The following MDGA2 variants were observed in gnomAD, a reference collection of about 807,000 sequenced individuals.
MDGA2 encodes MAM domain containing glycosylphosphatidylinositol anchor 2, also known as MAM domain-containing glycosylphosphatidylinositol anchor protein 2.
Under a neutral mutation model 117.8 loss-of-function variants are expected in MDGA2, and 40 were observed. The observed-to-expected ratio is 0.34, with a 90% CI of 0.26 to 0.44. MDGA2 has a LOEUF of 0.44. Ranked by LOEUF, MDGA2 falls within the 20% of genes least tolerant of loss-of-function variation. MDGA2 has a pLI of 1.00. For missense variants in MDGA2, 1,123 were observed against 1,250.6 expected, an observed-to-expected ratio of 0.90 and a Z score of 1.54; for synonymous variants, 452 against 439.0, an observed-to-expected ratio of 1.03 and a Z score of -0.37.
chr14:47,200,778 A>C, intron 3 of MDGA2: 1 of 832,230 alleles, frequency 1.2e-6, no homozygotes, highest in East Asian at 2.5e-5. Flanking sequence ...CGCCCCAGTT[A>C]GGCAAACTTT....
At chr14:47,184,288 G>A (rs1371880140) in intron 3 of MDGA2, among the ~76,000 whole-genome samples, 1 of 151,908 alleles carries the variant, frequency 6.6e-6, no homozygotes, top group African/African-American at 2.4e-5. Context: ...TAGTCAAGAT[G>A]TATTTATTCA....
intron 1 of MDGA2, among the ~76,000 whole-genome samples, chr14:47,367,013 T>G (rs1409841829): frequency 6.6e-6 from 1 of 152,042 alleles, no homozygotes; most frequent in Non-Finnish European, 1.5e-5. Flanking sequence ...AATAATGTGT[T>G]CCATAGACTA....
At chr14:47,251,892 GT>G (rs1288127129) in intron 2 of MDGA2, among the ~76,000 whole-genome samples, 3 of 152,032 alleles carry the variant, frequency 2.0e-5, no homozygotes, top group African/African-American at 7.2e-5. Flanking sequence ...AAATAGGGAA[GT>G]TAATAGTATT....
At chr14:47,347,006 G>A (rs548180487) in intron 1 of MDGA2, among the ~76,000 whole-genome samples, 9 of 152,256 alleles carry the variant, frequency 5.9e-5, no homozygotes, top group African/African-American at 1.2e-4. Context: ...CAACTGGGAC[G>A]GGGGAGTGCA....
At chr14:47,234,170 T>A (rs1357800142) in intron 2 of MDGA2, among the ~76,000 whole-genome samples, 1 of 151,562 alleles carries the variant, frequency 6.6e-6, no homozygotes, top group Non-Finnish European at 1.5e-5. Context: ...ATTGTCTTAA[T>A]AATATATGTG....
chr14:46,941,640 T>C (rs1885004259), intron 9 of MDGA2, among the ~76,000 whole-genome samples: 1 of 152,140 alleles, frequency 6.6e-6, no homozygotes, highest in Non-Finnish European at 1.5e-5. Context: ...TACCATTCAA[T>C]TTCTACCGGA....
chr14:47,263,962 T>C (rs914152339), intron 2 of MDGA2, among the ~76,000 whole-genome samples: 1 of 152,128 alleles, frequency 6.6e-6, no homozygotes, highest in Non-Finnish European at 1.5e-5. Flanking sequence ...TTCAAAGTCA[T>C]GTTCCATTTT....
At chr14:47,517,299 G>A (rs555536483) in intron 1 of MDGA2, among the ~76,000 whole-genome samples, 1 of 152,076 alleles carries the variant, frequency 6.6e-6, no homozygotes, top group African/African-American at 2.4e-5. Context: ...CCAGAGCTCC[G>A]AAGGAAAATT....
intron 1 of MDGA2, among the ~76,000 whole-genome samples, chr14:47,399,819 T>A (rs970697454): frequency 6.6e-6 from 1 of 152,068 alleles, no homozygotes; most frequent in African/African-American, 2.4e-5. Context: ...GATATAAAAA[T>A]AACAAGCTCT....
At chr14:47,651,213 G>GGGGT (rs1304100486) in intron 1 of MDGA2, among the ~76,000 whole-genome samples, 2 of 146,520 alleles carry the variant, frequency 1.4e-5, no homozygotes, top group African/African-American at 5.0e-5. Context: ...GTGTGCATGT[G>GGGGT]GTGTGTGTGT....
chr14:47,059,037 T>C, intron 7 of MDGA2: 3 of 1,004,374 alleles, frequency 3.0e-6, no homozygotes, highest in Non-Finnish European at 3.6e-6. Context: ...TAAATTTGTC[T>C]ATCAAATAAC....
intron 1 of MDGA2, among the ~76,000 whole-genome samples, chr14:47,603,533 A>G (rs1896685310): frequency 6.6e-6 from 1 of 152,206 alleles, no homozygotes; most frequent in Non-Finnish European, 1.5e-5. Context: ...AATGCTGATT[A>G]GCAAATACTT....
intron 8 of MDGA2, among the ~76,000 whole-genome samples, chr14:47,001,353 T>C (rs146253631): frequency 4.9e-4 from 75 of 152,102 alleles, no homozygotes; most frequent in Middle Eastern, 3.4e-3. Flanking sequence ...AAATAGGTGT[T>C]CATAAACGAG....
At chr14:47,414,537 G>C (rs1010159780) in intron 1 of MDGA2, among the ~76,000 whole-genome samples, 5 of 152,042 alleles carry the variant, frequency 3.3e-5, no homozygotes, top group Non-Finnish European at 5.9e-5. Context: ...GATAAGAAAA[G>C]GGAAATAGTA....
At chr14:47,390,186 T>G (rs1891862424) in intron 1 of MDGA2, among the ~76,000 whole-genome samples, 1 of 152,204 alleles carries the variant, frequency 6.6e-6, no homozygotes, top group Admixed American at 6.5e-5. Flanking sequence ...GGAAATAAAC[T>G]TTCTCTGTCC....
intron 2 of MDGA2, among the ~76,000 whole-genome samples, chr14:47,259,485 C>A (rs76229936): frequency 6.6e-6 from 1 of 152,048 alleles, no homozygotes; most frequent in Non-Finnish European, 1.5e-5. Flanking sequence ...ACAATGTTCA[C>A]TGTTGGCATA....
At chr14:47,041,797 G>A (rs113725349) in intron 7 of MDGA2, among the ~76,000 whole-genome samples, 211 of 152,084 alleles carry the variant, frequency 1.4e-3, no homozygotes, top group African/African-American at 4.7e-3. Flanking sequence ...CTTAGAAAAT[G>A]GCTTAAAAGA....
chr14:47,378,134 T>G (rs1043654618), intron 1 of MDGA2, among the ~76,000 whole-genome samples: 1 of 152,196 alleles, frequency 6.6e-6, no homozygotes, highest in African/African-American at 2.4e-5. Context: ...CCAACAGACC[T>G]GCAGCTGAGG....
intron 1 of MDGA2, among the ~76,000 whole-genome samples, chr14:47,641,929 G>C (rs1897432822): frequency 6.6e-6 from 1 of 151,986 alleles, no homozygotes; most frequent in Non-Finnish European, 1.5e-5. Flanking sequence ...GAGAGTGAAG[G>C]GGAAAGAAGA....
Sources: gnomAD v4.1 joint callset for allele counts (sites outside exome capture counted in the v4.1 genomes callset) on GRCh38, gnomAD v4.1.1 for gene constraint, MANE v1.5 for transcripts, NCBI Gene and HGNC (gene_info 2026-07-23, HGNC 2026-07-21) for gene names.